TMEM248: variants seen among roughly 807,000 people sequenced by gnomAD.
The protein encoded by TMEM248 is UPF0458 protein C7orf42.
TMEM248 carries 9 observed loss-of-function variants against 30.3 expected under a neutral mutation model. The observed-to-expected ratio is 0.30, with a 90% CI of 0.18 to 0.52. TMEM248 has a LOEUF of 0.52. TMEM248 is among the 20% of genes least tolerant of loss of function. The probability of loss-of-function intolerance (pLI) is 0.97; values close to 1 mark genes in which losing one functional copy is unlikely to be tolerated. For synonymous variants in TMEM248, 184 were observed against 154.4 expected (o/e 1.19, Z -1.42); for missense variants, 338 against 403.3 (o/e 0.84, Z 1.39).
At chr7:66,933,897 G>A (rs1791733217) in intron 1 of TMEM248, among the ~76,000 whole-genome samples, 1 of 151,794 alleles carries the variant, frequency 6.6e-6, no homozygotes, top group Admixed American at 6.6e-5. Context: ...ATACCAGGAT[G>A]CCCTAATTGG....
intron 2 of TMEM248, among the ~76,000 whole-genome samples, chr7:66,944,227 C>T (rs1411691702): frequency 6.6e-6 from 1 of 151,144 alleles, no homozygotes; most frequent in Non-Finnish European, 1.5e-5. Context: ...GCCTCAGCCT[C>T]CCAAGTAGGT....
intron 1 of TMEM248, among the ~76,000 whole-genome samples, chr7:66,934,582 T>G (rs953550773): frequency 2.0e-5 from 3 of 152,216 alleles, no homozygotes; most frequent in Admixed American, 6.6e-5. Context: ...TGACAATATT[T>G]GCCATTTTGT....
chr7:66,952,075 CTTTATTTTAATTTTTT>C, intron 5 of TMEM248, among the ~76,000 whole-genome samples: 1 of 150,320 alleles, frequency 6.7e-6, no homozygotes, highest in South Asian at 2.1e-4. Context: ...TTCTTTTTTT[CTTTATTTTAATTTTTT>C]TTTATTTTTA....
chr7:66,942,237 G>A (rs1331021266), intron 2 of TMEM248, among the ~76,000 whole-genome samples: 1 of 152,294 alleles, frequency 6.6e-6, no homozygotes, highest in East Asian at 1.9e-4. Flanking sequence ...TATGCTACCA[G>A]TTTCAGTTAG....
intron 1 of TMEM248, among the ~76,000 whole-genome samples, chr7:66,938,171 C>G (rs1166031181): frequency 6.6e-6 from 1 of 152,124 alleles, no homozygotes. Context: ...AGTGTTGTTA[C>G]TGATAAGTAA....
At chr7:66,948,253 G>T (rs1792163914) in intron 3 of TMEM248, among the ~76,000 whole-genome samples, 2 of 152,174 alleles carry the variant, frequency 1.3e-5, no homozygotes, top group African/African-American at 4.8e-5. Flanking sequence ...GAAATGCTGG[G>T]GATAATTCAC....
chr7:66,940,392 T>G (rs1425321371), intron 1 of TMEM248, among the ~76,000 whole-genome samples: 1 of 152,100 alleles, frequency 6.6e-6, no homozygotes, highest in Non-Finnish European at 1.5e-5. Flanking sequence ...ATAAAAGAAG[T>G]GCAAACGTTA....
Position 66,948,673 on chromosome 7 carries a change from C to T in TMEM248, c.575C>T (p.Pro192Leu). ...FTACMTLTAS[P>L]GVFPVTVQPP... The stretch of plus-strand genomic sequence containing the variant: ...GCCTGCATGACCCTCACGGCCAGCC[C>T]TGGGGTGTTCCCCGTCACTGTGTAA... Residue 192 changes from proline (P) to leucine (L), a missense_variant, in exon 4 of 7, where the codon CCT becomes CTT. Pro to Leu is a moderately conservative substitution (Grantham distance 98). Transcript: ENST00000341567. 1 of 1,612,102 alleles carries T rather than the reference C, an allele frequency of 6.2e-7. No individual in the cohort carries two copies. The highest frequency in any genetic ancestry group is 8.5e-7 in the Non-Finnish European group (1 of 1,178,378).
chr7:66,951,361 G>A (rs1792265182), intron 5 of TMEM248: 1 of 398,846 alleles, frequency 2.5e-6, no homozygotes, highest in South Asian at 7.7e-5. Flanking sequence ...CATTTTCTCT[G>A]TTGTTCAGCA....
chr7:66,953,729 C>CGAG (rs1317038234), intron 6 of TMEM248, among the ~76,000 whole-genome samples: 1 of 151,562 alleles, frequency 6.6e-6, no homozygotes, highest in African/African-American at 2.4e-5. Flanking sequence ...CTCAGCCTCC[C>CGAG]GAGGAGCTGG....
At chr7:66,947,506 G>C (rs1792140571) in intron 3 of TMEM248, among the ~76,000 whole-genome samples, 1 of 151,982 alleles carries the variant, frequency 6.6e-6, no homozygotes, top group Non-Finnish European at 1.5e-5. Context: ...GGGTTCAAGC[G>C]ACTGTTCTGC....
chr7:66,949,169 AAAAAG>A (rs1030186776), intron 4 of TMEM248, among the ~76,000 whole-genome samples: 251 of 151,878 alleles, frequency 1.7e-3, no homozygotes, highest in Non-Finnish European at 2.3e-3. Flanking sequence ...AAGAAAAAGA[AAAAAG>A]AAAAGAGGCT....
At chr7:66,950,255 C>T (rs1792226018) in intron 4 of TMEM248, among the ~76,000 whole-genome samples, 1 of 152,074 alleles carries the variant, frequency 6.6e-6, no homozygotes, top group Admixed American at 6.6e-5. Context: ...GCTGTCTCCC[C>T]ACCCAAATCT....
At chr7:66,944,937 T>A in intron 2 of TMEM248, 39 bp from the exon 3 acceptor site, 2 of 1,607,414 alleles carry the variant, frequency 1.2e-6, no homozygotes, top group East Asian at 4.5e-5. Flanking sequence ...AGACAGGCGC[T>A]GCTTAACACC....
rs1584407422 is a variant in TMEM248 at position 66,941,755 on chromosome 7, A to G, written c.-18-93A>G. ...TCAGTAATGAGTGCCCATCCCACCC[A>G]GCTCACCCCCCAACACCTCAAAAGG... is the stretch of plus-strand genomic sequence containing the variant. On this transcript the variant is annotated intron_variant, in intron 1 of 6. Transcript: ENST00000341567. 5 of 1,101,228 alleles carry G rather than the reference A, an allele frequency of 4.5e-6. No individual in the cohort carries two copies. In the South Asian group the frequency reaches 1.0e-4, roughly 23 times the overall value. 68.2% of individuals were successfully genotyped at this position (1,101,228 alleles called of 1,614,324 possible).
intron 3 of TMEM248, 142 bp downstream of exon 3, chr7:66,945,403 T>C (rs868071023): frequency 3.3e-6 from 3 of 897,716 alleles, no homozygotes; most frequent in Non-Finnish European, 5.1e-6. Flanking sequence ...TTGAACTACA[T>C]GAACCATTTC....
intron 1 of TMEM248, among the ~76,000 whole-genome samples, chr7:66,933,159 T>A (rs572721886): frequency 2.0e-4 from 30 of 152,250 alleles, no homozygotes; most frequent in Admixed American, 1.5e-3. Flanking sequence ...TGTGCCTAGC[T>A]CCCGCTTTGT....
At chr7:66,931,382 A>T (rs1791661756) in intron 1 of TMEM248, among the ~76,000 whole-genome samples, 1 of 151,868 alleles carries the variant, frequency 6.6e-6, no homozygotes, top group Admixed American at 6.6e-5. Context: ...ATGTGTACAT[A>T]TGCGGGCTTT....
intron 1 of TMEM248, among the ~76,000 whole-genome samples, chr7:66,930,268 TCTAAGGA>T (rs1204612042): frequency 6.6e-6 from 1 of 152,168 alleles, no homozygotes; most frequent in Non-Finnish European, 1.5e-5. Context: ...CTTTGGGTCA[TCTAAGGA>T]GATAGCTCCA....
Sources: allele counts gnomAD v4.1 joint callset (sites outside exome capture counted in the v4.1 genomes callset), GRCh38; gene constraint gnomAD v4.1.1; transcripts MANE v1.5; gene names NCBI Gene and HGNC (gene_info 2026-07-23, HGNC 2026-07-21).